SAMTOR: variants seen among roughly 807,000 people sequenced by gnomAD.
SAMTOR encodes the protein S-adenosylmethionine sensor upstream of mTORC1, also known as UPF0532 protein C7orf60.
the SAMTOR span, among the ~76,000 whole-genome samples, chr7:112,925,205 A>T: frequency 6.6e-6 from 1 of 152,212 alleles, no homozygotes; most frequent in African/African-American, 2.4e-5. Flanking sequence ...TCATAAACCC[A>T]TGATGGTACA....
chr7:112,881,349 T>G, the SAMTOR span, among the ~76,000 whole-genome samples: 1,105 of 152,268 alleles, frequency 7.3e-3, 16 homozygotes, highest in African/African-American at 0.022. Context: ...CAGGGACAGC[T>G]TGAAGACTCA....
chr7:112,929,253 ATAATCTGAC>A, the SAMTOR span, among the ~76,000 whole-genome samples: 3 of 152,008 alleles, frequency 2.0e-5, no homozygotes, highest in Admixed American at 1.3e-4. Context: ...AAAAAAACAA[ATAATCTGAC>A]TAAAAAATGG....
the SAMTOR span, among the ~76,000 whole-genome samples, chr7:112,839,269 TTAAA>T: frequency 6.6e-6 from 1 of 151,974 alleles, no homozygotes; most frequent in South Asian, 2.1e-4. Flanking sequence ...CTACAGGTAC[TTAAA>T]TAAGAAAGGG....
At chr7:112,867,125 T>C in the SAMTOR span, among the ~76,000 whole-genome samples, 2 of 152,208 alleles carry the variant, frequency 1.3e-5, no homozygotes, top group Non-Finnish European at 2.9e-5. Flanking sequence ...CTGCACTAGC[T>C]CCCTAGCAAT....
the SAMTOR span, among the ~76,000 whole-genome samples, chr7:112,880,781 A>G: frequency 6.6e-6 from 1 of 152,214 alleles, no homozygotes; most frequent in African/African-American, 2.4e-5. Flanking sequence ...TCAAACTAGA[A>G]GCAAAACTAT....
the SAMTOR span, among the ~76,000 whole-genome samples, chr7:112,885,339 T>C: frequency 3.8e-4 from 58 of 152,346 alleles, no homozygotes; most frequent in Middle Eastern, 0.01. Context: ...GTAGCCAGCT[T>C]GAATTTCTCC....
chr7:112,830,694 A>G, the SAMTOR span, among the ~76,000 whole-genome samples: 1 of 152,192 alleles, frequency 6.6e-6, no homozygotes, highest in African/African-American at 2.4e-5. Flanking sequence ...AGTAGAAATA[A>G]CAGTAATGGT....
chr7:112,914,200 G>GT, the SAMTOR span, among the ~76,000 whole-genome samples: 1 of 149,930 alleles, frequency 6.7e-6, no homozygotes, highest in African/African-American at 2.5e-5. Context: ...TAAACCAGAA[G>GT]TTATCATAAA....
chr7:112,899,193 C>T, the SAMTOR span, among the ~76,000 whole-genome samples: 1 of 151,876 alleles, frequency 6.6e-6, no homozygotes, highest in African/African-American at 2.4e-5. Flanking sequence ...TTCAAAAAAA[C>T]AGAGAAGGAA....
the SAMTOR span, among the ~76,000 whole-genome samples, chr7:112,906,736 T>A: frequency 1.3e-5 from 2 of 152,016 alleles, no homozygotes; most frequent in African/African-American, 2.4e-5. Context: ...CATGCCCAGC[T>A]AATTTTTGTA....
the SAMTOR span, among the ~76,000 whole-genome samples, chr7:112,938,847 C>G: frequency 5.3e-5 from 8 of 152,202 alleles, no homozygotes; most frequent in African/African-American, 1.9e-4. Context: ...CTCACCGGAA[C>G]CCCATCCATG....
chr7:112,864,111 G>C, the SAMTOR span, among the ~76,000 whole-genome samples: 1 of 152,272 alleles, frequency 6.6e-6, no homozygotes, highest in African/African-American at 2.4e-5. Context: ...CAATGGCCAT[G>C]GTGGCCATTA....
chr7:112,917,615 T>C, the SAMTOR span, among the ~76,000 whole-genome samples: 1 of 152,176 alleles, frequency 6.6e-6, no homozygotes, highest in African/African-American at 2.4e-5. Context: ...TTTGACAAGC[T>C]GAGAGAAGAA....
the SAMTOR span, chr7:112,939,812 A>G: frequency 1.2e-5 from 16 of 1,340,358 alleles, no homozygotes; most frequent in Admixed American, 2.9e-4. Context: ...CAGATGGAGG[A>G]GGTGGGGTAG....
chr7:112,845,993 C>A, the SAMTOR span, among the ~76,000 whole-genome samples: 1 of 152,026 alleles, frequency 6.6e-6, no homozygotes, highest in Non-Finnish European at 1.5e-5. Flanking sequence ...CATGTTTTCA[C>A]TTATAAGTGA....
At chr7:112,914,270 C>A in the SAMTOR span, among the ~76,000 whole-genome samples, 3 of 111,048 alleles carry the variant, frequency 2.7e-5, no homozygotes, top group Admixed American at 1.2e-4. Flanking sequence ...ATTTATTTAG[C>A]CTCTAGTTTT....
chr7:112,843,828 A>G, the SAMTOR span, among the ~76,000 whole-genome samples: 11 of 152,170 alleles, frequency 7.2e-5, no homozygotes, highest in East Asian at 2.1e-3. Flanking sequence ...AACCTGGCAA[A>G]GAAAACAAAA....
chr7:112,892,580 G>T, the SAMTOR span, among the ~76,000 whole-genome samples: 1 of 152,034 alleles, frequency 6.6e-6, no homozygotes. Context: ...ACCTGCCTGG[G>T]CAATATAGGG....
the SAMTOR span, among the ~76,000 whole-genome samples, chr7:112,937,810 G>T: frequency 3.4e-5 from 5 of 148,652 alleles, no homozygotes; most frequent in East Asian, 7.9e-4. Context: ...ATCTATTCTA[G>T]ATCTGGTAAC....
Sources: gnomAD v4.1 joint callset for allele counts (sites outside exome capture counted in the v4.1 genomes callset) on GRCh38, gnomAD v4.1.1 for gene constraint, MANE v1.5 for transcripts, NCBI Gene and HGNC (gene_info 2026-07-23, HGNC 2026-07-21) for gene names.